The following ADAMTS18 variants were observed in gnomAD, a reference collection of about 807,000 sequenced individuals.
The protein encoded by ADAMTS18 is ADAM metallopeptidase with thrombospondin type 1 motif 18.
Under a neutral mutation model 165.9 loss-of-function variants are expected in ADAMTS18, and 157 were observed. The observed-to-expected ratio is 0.95, with a 90% CI of 0.83 to 1.08. ADAMTS18 has a LOEUF of 1.08. ADAMTS18 is among the 50% of genes least tolerant of loss of function. ADAMTS18 has a pLI of 0.00. For missense variants in ADAMTS18, 2,040 were observed against 1,534.0 expected, an observed-to-expected ratio of 1.33 and a Z score of -5.51; for synonymous variants, 782 against 578.2, an observed-to-expected ratio of 1.35 and a Z score of -5.06.
At chr16:77,302,364 A>C (rs764586212) in intron 16 of ADAMTS18, among the ~76,000 whole-genome samples, 3 of 152,198 alleles carry the variant, frequency 2.0e-5, no homozygotes, top group Non-Finnish European at 4.4e-5. Context: ...ACAAAAATGC[A>C]GAGACCTTGT....
chr16:77,333,059 C>A (rs941360078), intron 12 of ADAMTS18, among the ~76,000 whole-genome samples: 4 of 152,130 alleles, frequency 2.6e-5, no homozygotes, highest in African/African-American at 9.7e-5. Flanking sequence ...TCTACGATAG[C>A]ACAAGTATTT....
intron 3 of ADAMTS18, among the ~76,000 whole-genome samples, chr16:77,381,880 G>C (rs2057036128): frequency 6.6e-6 from 1 of 152,162 alleles, no homozygotes. Context: ...AAAGTCCTGT[G>C]TTTAGTGGAG....
intron 4 of ADAMTS18, among the ~76,000 whole-genome samples, 196 bp from the exon 5 acceptor site, chr16:77,364,577 T>C (rs1024395770): frequency 1.4e-5 from 2 of 145,842 alleles, no homozygotes; most frequent in Admixed American, 7.0e-5. Flanking sequence ...ACTCAATAAA[T>C]GTTTGGATGC....
intron 4 of ADAMTS18, among the ~76,000 whole-genome samples, chr16:77,365,465 G>C (rs2056779504): frequency 1.3e-5 from 2 of 152,318 alleles, no homozygotes; most frequent in South Asian, 2.1e-4. Flanking sequence ...CACTCAGTAA[G>C]AACTCTTTGA....
rs767861255 is a variant in ADAMTS18, at chr16:77,367,662, G to A, written c.557C>T (p.Ala186Val). The change falls in exon 4 of 23, where the codon GCC becomes GTC. Residue 186 changes from alanine to valine, a missense_variant. Coordinates refer to ENST00000282849, the MANE Select transcript of ADAMTS18 (RefSeq NM_199355.4). The stretch of plus-strand genomic sequence containing the variant: ...AGGGGAGCTGTAGTTGTGTTCCTGG[G>A]CCAGAAGCTGAGGTAATGGCGAGAT... ...FLISPLPQLL[A>V]QEHNYSSPAG... 6 of 1,614,028 alleles carry A rather than the reference G, an allele frequency of 3.7e-6. No homozygotes were observed. Among genetic ancestry groups the A allele is most frequent in the African/African-American group, 1.3e-5 (1 of 74,910 alleles).
rs755385795 is a variant in ADAMTS18, at chr16:77,335,828, G to A, written c.1787C>T (p.Ser596Leu). 7 of 1,614,028 alleles carry A rather than the reference G, an allele frequency of 4.3e-6. No homozygotes were observed. The highest frequency in any genetic ancestry group is 2.2e-5 in the South Asian group (2 of 91,074). The change falls in exon 12 of 23, where the codon TCG becomes TTG. Residue 596 changes from serine (S) to leucine (L), a missense_variant. Ser to Leu is a moderately radical substitution (Grantham distance 145). Coordinates refer to ENST00000282849, the MANE Select transcript of ADAMTS18 (RefSeq NM_199355.4). The part of the protein sequence containing the change: ...RPIHGQWSAW[S>L]KWSECSRTCG... The stretch of plus-strand genomic sequence containing the variant: ...TGTCCGGGAACATTCTGACCACTTC[G>A]ACCAGGCGGACCACTGGCCGTGGAT...
At chr16:77,312,167 C>A (rs910862103) in intron 16 of ADAMTS18, among the ~76,000 whole-genome samples, 1 of 151,966 alleles carries the variant, frequency 6.6e-6, no homozygotes, top group Non-Finnish European at 1.5e-5. Context: ...ATTGATGAAC[C>A]GGATCAATTC....
chr16:77,430,910 G>A (rs911411181), intron 3 of ADAMTS18, among the ~76,000 whole-genome samples: 3 of 152,112 alleles, frequency 2.0e-5, no homozygotes, highest in East Asian at 1.9e-4. Flanking sequence ...ATGCAATTTC[G>A]CATTGAAATA....
At chr16:77,305,530 C>T (rs887489371) in intron 16 of ADAMTS18, among the ~76,000 whole-genome samples, 8 of 152,206 alleles carry the variant, frequency 5.3e-5, no homozygotes, top group African/African-American at 1.9e-4. Flanking sequence ...ACAACGTCCT[C>T]TGCAGCTGGG....
At chr16:77,404,331 CT>C (rs1567544398) in intron 3 of ADAMTS18, among the ~76,000 whole-genome samples, 1 of 152,090 alleles carries the variant, frequency 6.6e-6, no homozygotes, top group Non-Finnish European at 1.5e-5. Context: ...TGGAGGATAC[CT>C]TTTCAGGGTC....
intron 10 of ADAMTS18, among the ~76,000 whole-genome samples, chr16:77,342,431 T>C (rs2056412368): frequency 6.7e-6 from 1 of 149,962 alleles, no homozygotes; most frequent in South Asian, 2.1e-4. Context: ...ACCTGAAGCA[T>C]TTTCTATGAG....
chr16:77,292,905 C>T (rs1183034119), intron 20 of ADAMTS18, 171 bp downstream of exon 20: 13 of 671,142 alleles, frequency 1.9e-5, no homozygotes, highest in South Asian at 1.1e-4. Flanking sequence ...CTGCAAACTC[C>T]GCCTCCTGGG....
At chr16:77,309,223 T>C (rs941502621) in intron 16 of ADAMTS18, among the ~76,000 whole-genome samples, 3 of 152,148 alleles carry the variant, frequency 2.0e-5, no homozygotes, top group Admixed American at 6.5e-5. Context: ...GCTAGTTTTT[T>C]TTTTTCTGGG....
At chr16:77,366,432 C>T (rs902807725) in intron 4 of ADAMTS18, among the ~76,000 whole-genome samples, 1 of 152,116 alleles carries the variant, frequency 6.6e-6, no homozygotes, top group Non-Finnish European at 1.5e-5. Context: ...CTGGCGTGCG[C>T]CTATAATTCC....
intron 10 of ADAMTS18, among the ~76,000 whole-genome samples, chr16:77,343,009 T>A (rs1224612503): frequency 6.6e-6 from 1 of 151,702 alleles, no homozygotes; most frequent in African/African-American, 2.4e-5. Context: ...GAAAAAGGCA[T>A]GAAAATGACT....
At chr16:77,358,416 G>A (rs1240810590) in intron 8 of ADAMTS18, among the ~76,000 whole-genome samples, 1 of 152,068 alleles carries the variant, frequency 6.6e-6, no homozygotes, top group African/African-American at 2.4e-5. Context: ...ATAAAAATTA[G>A]CCAGGCATGG....
chr16:77,414,310 T>C (rs909633291), intron 3 of ADAMTS18, among the ~76,000 whole-genome samples: 1 of 152,220 alleles, frequency 6.6e-6, no homozygotes, highest in Non-Finnish European at 1.5e-5. Context: ...ATACCTGTAC[T>C]GCCCAAGACA....
In ADAMTS18 at chr16:77,337,990, G is replaced by C. The variant is rs145238290; in HGVS notation, c.1711-2086C>G. On this transcript the variant is annotated intron_variant, in intron 11 of 22. Coordinates refer to ENST00000282849, the MANE Select transcript of ADAMTS18 (RefSeq NM_199355.4). The stretch of plus-strand genomic sequence containing the variant: ...GCGATCTCGGCTCACTGCAACCTCC[G>C]CCTCCCAGGTTCAAGCGATTCTCCT... Among the ~76,000 whole-genome samples, 858 of 147,100 alleles carry C rather than the reference G, an allele frequency of 5.8e-3. 9 individuals carry two copies. Among genetic ancestry groups the C allele is most frequent in the African/African-American group, 0.021 (816 of 39,660 alleles).
At chr16:77,411,302 C>T (rs2057459608) in intron 3 of ADAMTS18, among the ~76,000 whole-genome samples, 1 of 152,176 alleles carries the variant, frequency 6.6e-6, no homozygotes, top group African/African-American at 2.4e-5. Flanking sequence ...CCTTTCCTGG[C>T]ATTCTGTATG....
Sources: gnomAD v4.1 joint callset for allele counts (sites outside exome capture counted in the v4.1 genomes callset) on GRCh38, gnomAD v4.1.1 for gene constraint, MANE v1.5 for transcripts, NCBI Gene and HGNC (gene_info 2026-07-23, HGNC 2026-07-21) for gene names.